NALF1: variants seen among roughly 807,000 people sequenced by gnomAD.
NALF1 encodes NALCN channel auxiliary factor 1, also known as family with sequence similarity 155 member A.
NALF1 carries 3 observed loss-of-function variants against 48.4 expected under a neutral mutation model. The observed-to-expected ratio is 0.06, with a 90% CI of 0.03 to 0.16. The LOEUF is 0.16. Ranked by LOEUF, NALF1 falls within the 10% of genes least tolerant of loss-of-function variation. NALF1 has a pLI of 1.00. For synonymous variants in NALF1, 262 were observed against 245.7 expected, an observed-to-expected ratio of 1.07 and a Z score of -0.62; for missense variants, 526 against 571.5, an observed-to-expected ratio of 0.92 and a Z score of 0.81.
chr13:107,814,489 A>G (rs962990787), intron 1 of NALF1, among the ~76,000 whole-genome samples: 4 of 152,186 alleles, frequency 2.6e-5, no homozygotes, highest in African/African-American at 2.4e-5. Flanking sequence ...GGAGAAAGGT[A>G]TATTATGCGA....
intron 1 of NALF1, among the ~76,000 whole-genome samples, chr13:107,253,144 G>A (rs1343096440): frequency 6.7e-6 from 1 of 148,526 alleles, no homozygotes; most frequent in Non-Finnish European, 1.5e-5. Flanking sequence ...ATTCATACTT[G>A]TGAAGATCTG....
chr13:107,267,363 T>C (rs887610677), intron 1 of NALF1, among the ~76,000 whole-genome samples: 2 of 152,014 alleles, frequency 1.3e-5, no homozygotes, highest in Admixed American at 1.3e-4. Flanking sequence ...CTAAAGGGGA[T>C]TGGAAACATG....
At chr13:107,324,944 C>G (rs753947628) in intron 1 of NALF1, among the ~76,000 whole-genome samples, 3 of 152,094 alleles carry the variant, frequency 2.0e-5, no homozygotes, top group Non-Finnish European at 4.4e-5. Flanking sequence ...TTCACTTTAG[C>G]CTTCTGAAAT....
intron 1 of NALF1, among the ~76,000 whole-genome samples, chr13:107,502,579 C>A (rs1404627208): frequency 6.6e-6 from 1 of 152,146 alleles, no homozygotes; most frequent in Non-Finnish European, 1.5e-5. Flanking sequence ...ACTCCTTAAC[C>A]CTTCCCCTTG....
intron 1 of NALF1, among the ~76,000 whole-genome samples, chr13:107,264,254 CAATT>C (rs1353584971): frequency 2.0e-5 from 3 of 152,064 alleles, no homozygotes; most frequent in Non-Finnish European, 4.4e-5. Context: ...TTTATGTAAG[CAATT>C]AATTAACAAA....
intron 1 of NALF1, among the ~76,000 whole-genome samples, chr13:107,213,561 G>C (rs531196614): frequency 6.6e-6 from 1 of 152,176 alleles, no homozygotes; most frequent in South Asian, 2.1e-4. Context: ...ATCGAAATCC[G>C]AAGGACGGAG....
intron 2 of NALF1, among the ~76,000 whole-genome samples, chr13:107,201,396 G>A (rs903439185): frequency 2.6e-5 from 4 of 152,122 alleles, no homozygotes; most frequent in Non-Finnish European, 5.9e-5. Flanking sequence ...CTAACACGGC[G>A]AAATGCCATC....
chr13:107,451,298 A>G (rs1884736008), intron 1 of NALF1, among the ~76,000 whole-genome samples: 1 of 152,208 alleles, frequency 6.6e-6, no homozygotes, highest in Non-Finnish European at 1.5e-5. Flanking sequence ...ATGATCTAGC[A>G]TGGCTGTGAA....
chr13:107,785,606 C>T (rs1878047957), intron 1 of NALF1, among the ~76,000 whole-genome samples: 1 of 152,104 alleles, frequency 6.6e-6, no homozygotes, highest in African/African-American at 2.4e-5. Flanking sequence ...TGTATACTAC[C>T]TGGGTTATGG....
At chr13:107,303,039 C>T (rs9520370) in intron 1 of NALF1, among the ~76,000 whole-genome samples, 52,235 of 152,080 alleles carry the variant, frequency 0.34, 10,963 homozygotes, top group South Asian at 0.54. Flanking sequence ...TACTTGTCAC[C>T]TTCTATTTTA....
At chr13:107,572,535 T>A (rs1259618006) in intron 1 of NALF1, among the ~76,000 whole-genome samples, 1 of 152,182 alleles carries the variant, frequency 6.6e-6, no homozygotes, top group Non-Finnish European at 1.5e-5. Flanking sequence ...CAAAATTCCC[T>A]TTGTGCCGAT....
intron 1 of NALF1, among the ~76,000 whole-genome samples, chr13:107,304,166 A>C: frequency 6.6e-6 from 1 of 152,270 alleles, no homozygotes; most frequent in Admixed American, 6.5e-5. Flanking sequence ...CACTCTTCTT[A>C]AATTAGGCAC....
chr13:107,611,476 A>C (rs1879222804), intron 1 of NALF1, among the ~76,000 whole-genome samples: 1 of 117,306 alleles, frequency 8.5e-6, no homozygotes, highest in Non-Finnish European at 1.8e-5. Context: ...GTGGCACATA[A>C]ATAACATGGA....
intron 1 of NALF1, among the ~76,000 whole-genome samples, chr13:107,287,706 C>T (rs4772867): frequency 1.7e-4 from 22 of 127,884 alleles, no homozygotes; most frequent in Non-Finnish European, 2.9e-4. Context: ...TCTTTTCTTT[C>T]TTTTTTTTTT....
intron 1 of NALF1, among the ~76,000 whole-genome samples, chr13:107,664,933 C>A (rs1169459515): frequency 6.6e-6 from 1 of 151,152 alleles, no homozygotes; most frequent in Non-Finnish European, 1.5e-5. Context: ...GTTGATCATA[C>A]AAACCACTCA....
At chr13:107,199,455 C>A (rs1047507191) in intron 2 of NALF1, among the ~76,000 whole-genome samples, 8 of 152,096 alleles carry the variant, frequency 5.3e-5, no homozygotes, top group Admixed American at 2.0e-4. Flanking sequence ...CCTAATGACC[C>A]ATTTTAACTT....
At chr13:107,299,260 G>A (rs1303104120) in intron 1 of NALF1, among the ~76,000 whole-genome samples, 4 of 151,712 alleles carry the variant, frequency 2.6e-5, no homozygotes, top group African/African-American at 7.3e-5. Context: ...GATCATGGAC[G>A]TCTCTACCAA....
At chr13:107,261,832 A>AAGAAAG (rs1387057455) in intron 1 of NALF1, among the ~76,000 whole-genome samples, 1 of 152,188 alleles carries the variant, frequency 6.6e-6, no homozygotes, top group Admixed American at 6.5e-5. Flanking sequence ...TATCAAACTA[A>AAGAAAG]TAAAATAAAT....
intron 1 of NALF1, among the ~76,000 whole-genome samples, chr13:107,374,078 C>T (rs1172753925): frequency 6.6e-6 from 1 of 152,120 alleles, no homozygotes. Flanking sequence ...TCCAATGATT[C>T]CTTCATTAGC....
Sources: gnomAD v4.1 joint callset for allele counts (sites outside exome capture counted in the v4.1 genomes callset) on GRCh38, gnomAD v4.1.1 for gene constraint, MANE v1.5 for transcripts, NCBI Gene and HGNC (gene_info 2026-07-23, HGNC 2026-07-21) for gene names.